The following KHDRBS2 variants were observed in gnomAD, a reference collection of about 807,000 sequenced individuals.
KHDRBS2 encodes KH domain-containing, RNA-binding, signal transduction-associated protein 2.
A neutral mutation model predicts 44.3 loss-of-function variants in KHDRBS2; 26 were observed. The ratio of observed to expected loss-of-function variants is 0.59; its 90% CI spans 0.43 to 0.81. KHDRBS2 has a LOEUF of 0.81. Among genes scored for constraint, KHDRBS2 ranks in the 40% least tolerant of loss-of-function variants. The pLI, the probability that KHDRBS2 is intolerant of heterozygous loss-of-function variation, is 0.00. For synonymous variants in KHDRBS2, 194 were observed against 151.1 expected (o/e 1.28, Z -2.08); for missense variants, 476 against 433.1 (o/e 1.10, Z -0.88).
At chr6:62,229,529 T>C (rs1215500086) in intron 1 of KHDRBS2, among the ~76,000 whole-genome samples, 3 of 152,166 alleles carry the variant, frequency 2.0e-5, no homozygotes, top group African/African-American at 7.2e-5. Flanking sequence ...GTGGTGCTTG[T>C]TGCCCCTCCC....
At chr6:62,141,319 A>G (rs754750433) in intron 2 of KHDRBS2, among the ~76,000 whole-genome samples, 1 of 152,184 alleles carries the variant, frequency 6.6e-6, no homozygotes, top group South Asian at 2.1e-4. Flanking sequence ...AGTAAACAAT[A>G]TGTAGAGAAA....
intron 3 of KHDRBS2, among the ~76,000 whole-genome samples, chr6:62,042,249 T>G (rs1786687915): frequency 6.6e-6 from 1 of 151,432 alleles, no homozygotes; most frequent in Admixed American, 6.6e-5. Context: ...AAAATTCCAC[T>G]TATCTATATT....
At chr6:61,936,021 C>G (rs769761214) in intron 4 of KHDRBS2, among the ~76,000 whole-genome samples, 4 of 151,974 alleles carry the variant, frequency 2.6e-5, no homozygotes, top group Non-Finnish European at 4.4e-5. Flanking sequence ...AATTTTAAAT[C>G]TATCTCTATT....
intron 2 of KHDRBS2, among the ~76,000 whole-genome samples, chr6:62,057,340 G>T (rs1790523790): frequency 6.6e-6 from 1 of 151,790 alleles, no homozygotes; most frequent in East Asian, 1.9e-4. Context: ...TTCTATTTGA[G>T]ATTTAAAGTA....
chr6:61,957,942 C>T (rs1767786046), intron 4 of KHDRBS2, among the ~76,000 whole-genome samples: 1 of 152,138 alleles, frequency 6.6e-6, no homozygotes, highest in Non-Finnish European at 1.5e-5. Flanking sequence ...CTTTTGTACT[C>T]TGTCCCTTTA....
At chr6:61,987,932 C>A (rs1775368708) in intron 3 of KHDRBS2, among the ~76,000 whole-genome samples, 2 of 152,060 alleles carry the variant, frequency 1.3e-5, no homozygotes, top group Admixed American at 1.3e-4. Context: ...TTCACAATTG[C>A]ACATCCACAC....
intron 1 of KHDRBS2, among the ~76,000 whole-genome samples, chr6:62,269,653 A>G (rs1839762049): frequency 1.3e-5 from 2 of 152,128 alleles, no homozygotes. Flanking sequence ...GAGATAGTAT[A>G]AGCATTCTAG....
At chr6:61,939,201 G>C (rs1464300727) in intron 4 of KHDRBS2, among the ~76,000 whole-genome samples, 2 of 151,986 alleles carry the variant, frequency 1.3e-5, no homozygotes, top group African/African-American at 4.8e-5. Context: ...AATGGACTTT[G>C]CTCTCACAGC....
chr6:61,879,489 A>G (rs1799913188), intron 6 of KHDRBS2, among the ~76,000 whole-genome samples: 1 of 151,868 alleles, frequency 6.6e-6, no homozygotes, highest in African/African-American at 2.4e-5. Flanking sequence ...CTATCTAATT[A>G]TTAGACCCTA....
chr6:61,974,227 T>G (rs1289802247), intron 4 of KHDRBS2, among the ~76,000 whole-genome samples: 1 of 152,180 alleles, frequency 6.6e-6, no homozygotes, highest in Non-Finnish European at 1.5e-5. Flanking sequence ...AGGAAAGTTG[T>G]ATTCATGGTC....
At chr6:61,723,878 C>A (rs146056979) in intron 7 of KHDRBS2, among the ~76,000 whole-genome samples, 2 of 152,170 alleles carry the variant, frequency 1.3e-5, no homozygotes, top group African/African-American at 4.8e-5. Context: ...GAGAATGGAA[C>A]GAAGTTGTAA....
intron 6 of KHDRBS2, among the ~76,000 whole-genome samples, chr6:61,766,835 A>T (rs149735954): frequency 6.6e-6 from 1 of 152,080 alleles, no homozygotes; most frequent in Non-Finnish European, 1.5e-5. Context: ...TACTAGAATG[A>T]TTTAATTTTA....
At chr6:62,130,742 T>C (rs1348133517) in intron 2 of KHDRBS2, among the ~76,000 whole-genome samples, 7 of 152,022 alleles carry the variant, frequency 4.6e-5, no homozygotes, top group Non-Finnish European at 8.8e-5. Flanking sequence ...CTAACCTATA[T>C]TAAACATACT....
At chr6:62,006,921 T>G (rs1283755733) in intron 3 of KHDRBS2, among the ~76,000 whole-genome samples, 1 of 152,054 alleles carries the variant, frequency 6.6e-6, no homozygotes, top group South Asian at 2.1e-4. Context: ...TTTTTTTAAA[T>G]TCAGCTTACT....
chr6:62,179,440 C>T (rs888736453), intron 1 of KHDRBS2, among the ~76,000 whole-genome samples: 1 of 151,732 alleles, frequency 6.6e-6, no homozygotes, highest in Non-Finnish European at 1.5e-5. Context: ...CCAACCTTTC[C>T]ATCCCTTATA....
At chr6:61,615,370 G>C in the KHDRBS2 span, among the ~76,000 whole-genome samples, 1 of 151,934 alleles carries the variant, frequency 6.6e-6, no homozygotes, top group African/African-American at 2.4e-5. Context: ...TTTGGTTCAA[G>C]TCTACTTAGC....
intron 4 of KHDRBS2, among the ~76,000 whole-genome samples, chr6:61,913,893 G>T (rs1392242620): frequency 1.3e-5 from 2 of 152,128 alleles, no homozygotes; most frequent in African/African-American, 4.8e-5. Flanking sequence ...CAGTGCATAT[G>T]TATCAAAGAT....
At chr6:61,664,304 T>C in the KHDRBS2 span, among the ~76,000 whole-genome samples, 3 of 151,814 alleles carry the variant, frequency 2.0e-5, no homozygotes, top group East Asian at 2.0e-4. Flanking sequence ...CTTCTGAATT[T>C]TGTAGCATTT....
chr6:61,839,433 T>C (rs1474518777), intron 6 of KHDRBS2, among the ~76,000 whole-genome samples: 1 of 152,052 alleles, frequency 6.6e-6, no homozygotes, highest in Non-Finnish European at 1.5e-5. Flanking sequence ...AATGGATTGG[T>C]AGATAAATGG....
Sources: gnomAD v4.1 joint callset for allele counts (sites outside exome capture counted in the v4.1 genomes callset) on GRCh38, gnomAD v4.1.1 for gene constraint, MANE v1.5 for transcripts, NCBI Gene and HGNC (gene_info 2026-07-23, HGNC 2026-07-21) for gene names.